PLPPR3: variants seen among roughly 807,000 people sequenced by gnomAD.
PLPPR3 encodes the protein phospholipid phosphatase related 3.
A neutral mutation model predicts 27.3 loss-of-function variants in PLPPR3; 14 were observed. The ratio of observed to expected loss-of-function variants is 0.51; its 90% CI spans 0.34 to 0.80. PLPPR3 has a LOEUF of 0.80. PLPPR3 is among the 30% of genes least tolerant of loss of function. The pLI is 0.01. For synonymous variants in PLPPR3, 671 were observed against 508.0 expected, an observed-to-expected ratio of 1.32 and a Z score of -4.32; for missense variants, 1,287 against 1,056.9, an observed-to-expected ratio of 1.22 and a Z score of -3.02.
chr19:821,642 A>T, intron 1 of PLPPR3, 57 bp from the exon 2 acceptor site: 1 of 979,206 alleles, frequency 1.0e-6, no homozygotes, highest in Non-Finnish European at 1.4e-6. Context: ...CGGGGGAGAC[A>T]CGGTGGCCGG....
At chr19:816,423 CACCCACCCACCCATCT>C (rs1293006507) in intron 2 of PLPPR3, among the ~76,000 whole-genome samples, 2 of 147,226 alleles carry the variant, frequency 1.4e-5, no homozygotes, top group Non-Finnish European at 3.0e-5. Context: ...TCCACCCATG[CACCCACCCACCCATCT>C]ACCCACCTAC....
chr19:818,699 A>G (rs1482998096), intron 2 of PLPPR3, among the ~76,000 whole-genome samples: 1 of 151,374 alleles, frequency 6.6e-6, no homozygotes, highest in East Asian at 2.0e-4. Flanking sequence ...GCGCCCGGCT[A>G]ATTTTTTGTA....
At chr19:816,953 C>T (rs2035072761) in intron 2 of PLPPR3, among the ~76,000 whole-genome samples, 1 of 150,722 alleles carries the variant, frequency 6.6e-6, no homozygotes, top group East Asian at 2.0e-4. Flanking sequence ...CCTATCCATC[C>T]ACCCATCCAT....
chr19:814,244 C>T (rs1354817261), intron 7 of PLPPR3, among the ~76,000 whole-genome samples, 190 bp downstream of exon 7: 3 of 144,254 alleles, frequency 2.1e-5, no homozygotes, highest in Non-Finnish European at 3.0e-5. Context: ...TGGGCCAGCC[C>T]CCCGCCAGAA....
rs1438360455 is a variant in PLPPR3 at position 812,773 on chromosome 19, G to A, written c.1954C>T (p.Arg652Trp). The change falls in exon 8 of 8, where the codon CGG becomes TGG. Residue 652 changes from arginine (R) to tryptophan (W), a missense_variant. Arg to Trp is a moderately radical substitution (Grantham distance 101, BLOSUM62 -3). Coordinates refer to ENST00000520876, the MANE Select transcript of PLPPR3 (RefSeq NM_001270366.2). ...TTGACGGTGGCCACGGCCCCGAACC[G>A]CGGCTCCTCCTGGTCCACGTCGCTG... ...SVSDVDQEEP[R>W]FGAVATVNLA... 9.2e-7 allele frequency: 1 copy of A among 1,083,286 alleles called. No individual in the cohort carries two copies. Among genetic ancestry groups the A allele is most frequent in the Non-Finnish European group, 1.1e-6 (1 of 892,150 alleles). The allele number at this position is 1,083,286 out of a possible 1,614,324, so 67.1% of individuals were successfully genotyped here.
rs2035027483 is a variant in PLPPR3, at chr19:815,026, C to T, written c.459G>A (p.Leu153=). 6.2e-7 allele frequency: 1 copy of T among 1,610,490 alleles called. No individual in the cohort carries two copies. The highest frequency in any genetic ancestry group is 1.1e-5 in the South Asian group (1 of 91,090). ...ATALVTDVIQ[L]ATGYHTPFFL... ...AGAAGGGAGTGTGGTAACCCGTGGC[C>T]AGCTGGATCACGTCCGTCACCAGGG... Residue 153 remains leucine (L), a synonymous_variant, in exon 5 of 8, where the codon CTG becomes CTA. Transcript: ENST00000520876.
chr19:813,972 G>A lies in PLPPR3; in HGVS notation c.832-77C>T. ...CCCTGTGATCGTTGGACTTGCCGCG[G>A]GGGGCTCTGGACCGGGGGTGGGGGC... is the stretch of plus-strand genomic sequence containing the variant. On this transcript the variant is annotated intron_variant, in intron 7 of 7. Transcript: ENST00000520876. This position sits in a 1 kb window ranked among gnomAD's most constrained non-coding sequence, Gnocchi z 4.1. 1 of 1,399,616 alleles carries A rather than the reference G, an allele frequency of 7.1e-7. No individual in the cohort carries two copies. Among genetic ancestry groups the A allele is most frequent in the South Asian group, 1.6e-5 (1 of 64,152 alleles). The allele number at this position is 1,399,616 out of a possible 1,614,324, so 86.7% of individuals were successfully genotyped here.
Position 815,005 on chromosome 19 carries a change from G to A in PLPPR3, c.480C>T (p.Pro160=). The change falls in exon 5 of 8, where the codon CCC becomes CCT. Residue 160 remains proline (P), a synonymous_variant. Transcript: ENST00000520876. ...VIQLATGYHT[P]FFLTVCKPNY... ...TGGGCTTGCAGACGGTGAGGAAGAA[G>A]GGAGTGTGGTAACCCGTGGCCAGCT... 6.2e-7 allele frequency: 1 copy of A among 1,611,932 alleles called. No individual in the cohort carries two copies. Among genetic ancestry groups the A allele is most frequent in the Non-Finnish European group, 8.5e-7 (1 of 1,179,964 alleles).
chr19:812,536 G>T lies in PLPPR3; in HGVS notation c.*34C>A. On this transcript the variant is annotated 3_prime_UTR_variant, in exon 8 of 8. Coordinates refer to ENST00000520876, the MANE Select transcript of PLPPR3 (RefSeq NM_001270366.2). ...CATCCGCGCGGCCGCCCGCGCCCTC[G>T]GCCCGCCCCCCGCCCGCCCCCGGCC... is the stretch of plus-strand genomic sequence containing the variant. The T allele has an allele frequency of 1.0e-6, 1 of 979,382 alleles. No homozygotes were observed. Among genetic ancestry groups the T allele is most frequent in the Non-Finnish European group, 1.2e-6 (1 of 823,158 alleles). The allele number at this position is 979,382 out of a possible 1,614,324, so 60.7% of individuals were successfully genotyped here.
rs1540615 is a variant in PLPPR3, at chr19:814,907, A to G, written c.578T>C (p.Ile193Thr). The G allele has an allele frequency of 0.048, 77,130 of 1,611,196 alleles. 2,098 individuals are homozygous for G. Among genetic ancestry groups the G allele is most frequent in the Middle Eastern group, 0.071 (429 of 6,060 alleles). The change falls in exon 5 of 8, where the codon ATC becomes ACC. Residue 193 changes from isoleucine (I) to threonine (T), a missense_variant. Physicochemically the swap from Ile to Thr is moderately conservative, Grantham distance 89. Coordinates refer to ENST00000520876, the MANE Select transcript of PLPPR3 (RefSeq NM_001270366.2). ...ITQDICSGHD[I>T]HAILSARKTF... Reference sequence around the variant, plus strand: ...TCACCGTGCAGACAGGATGGCGTGGATGTCGTGGCCGGAGCAGATGTCCTG... The same window carrying G: ...TCACCGTGCAGACAGGATGGCGTGGGTGTCGTGGCCGGAGCAGATGTCCTG...
Position 812,541 on chromosome 19 carries a change from G to GGCCCCC in PLPPR3, c.*28_*29insGGGGGC. 3.1e-4 allele frequency: 192 copies of GGCCCCC among 617,356 alleles called. No homozygotes were observed. Among genetic ancestry groups the GGCCCCC allele is most frequent in the Middle Eastern group, 8.2e-4 (1 of 1,226 alleles). The allele number at this position is 617,356 out of a possible 1,614,324, so 38.2% of individuals were successfully genotyped here. On this transcript the variant is annotated 3_prime_UTR_variant, in exon 8 of 8. Coordinates refer to ENST00000520876, the MANE Select transcript of PLPPR3 (RefSeq NM_001270366.2). ...GCGCGGCCGCCCGCGCCCTCGGCCC[G>GGCCCCC]CCCCCCGCCCGCCCCCGGCCCCGCC...
At chr19:816,962 A>C in intron 2 of PLPPR3, among the ~76,000 whole-genome samples, 1 of 125,800 alleles carries the variant, frequency 7.9e-6, no homozygotes. Context: ...CCACCCATCC[A>C]TCCATTGATC....
In PLPPR3 at chr19:814,915, G is replaced by A. The variant is rs146260712; in HGVS notation, c.570C>T (p.Gly190=). ...NPYITQDICS[G]HDIHAILSAR... ...CAGACAGGATGGCGTGGATGTCGTG[G>A]CCGGAGCAGATGTCCTGCGTGATGT... Residue 190 remains glycine, a synonymous_variant, in exon 5 of 8, where the codon GGC becomes GGT. Coordinates refer to ENST00000520876, the MANE Select transcript of PLPPR3 (RefSeq NM_001270366.2). 3.4e-5 allele frequency: 55 copies of A among 1,611,632 alleles called. No individual in the cohort carries two copies. In the African/African-American group the frequency reaches 6.0e-4, roughly 18 times the overall value.
At chr19:817,752 T>C (rs923990657) in intron 2 of PLPPR3, among the ~76,000 whole-genome samples, 13 of 152,108 alleles carry the variant, frequency 8.5e-5, no homozygotes, top group African/African-American at 1.9e-4. Flanking sequence ...TGAGCATTCA[T>C]TGAGTGCCTG....
upstream of PLPPR3, among the ~76,000 whole-genome samples, chr19:823,451 A>AC (rs1568289354): frequency 6.1e-5 from 3 of 49,414 alleles, no homozygotes; most frequent in African/African-American, 9.2e-4. Context: ...CAAAAAAAAA[A>AC]AAAAAAACAA....
Position 813,077 on chromosome 19 carries a change from G to A in PLPPR3, c.1650C>T (p.Gly550=). The change falls in exon 8 of 8, where the codon GGC becomes GGT. Residue 550 remains glycine, a synonymous_variant. Transcript: ENST00000520876. This position sits in a 1 kb window ranked among gnomAD's most constrained non-coding sequence, Gnocchi z 4.1. ...ACGACGCCGTCTCGGCCGCCTTGGG[G>A]CCCGGCGCGCCCGGAGCCTTGGACA... ...IAMSKAPGAP[G]PKAAETASSS... 6.7e-7 allele frequency: 1 copy of A among 1,495,328 alleles called. No homozygotes were observed. Among genetic ancestry groups the A allele is most frequent in the Non-Finnish European group, 8.8e-7 (1 of 1,133,026 alleles). 92.6% of individuals were successfully genotyped at this position (1,495,328 alleles called of 1,614,324 possible). A position where few individuals can be genotyped will look rare whatever the true frequency, so the allele number is the denominator to read the frequency against.
rs761905550 is a variant in PLPPR3 at position 815,832 on chromosome 19, G to A, written c.95C>T (p.Ser32Phe). 8.7e-6 allele frequency: 14 copies of A among 1,612,454 alleles called. No individual in the cohort carries two copies. The highest frequency in any genetic ancestry group is 1.1e-5 in the Non-Finnish European group (13 of 1,179,806). The stretch of plus-strand genomic sequence containing the variant: ...CTCCAGGAAGTACAAGGATACGATG[G>A]AAGAAGCCACTATGGGCAGCTGTGG... ...YFVELPIVAS[S>F]IVSLYFLELT... The change falls in exon 3 of 8, where the codon TCC becomes TTC. Residue 32 changes from serine (S) to phenylalanine (F), a missense_variant. By Grantham distance (155) the Ser-to-Phe change is radical. Coordinates refer to ENST00000520876, the MANE Select transcript of PLPPR3 (RefSeq NM_001270366.2).
chr19:813,673 C>T lies in PLPPR3; in HGVS notation c.1054G>A (p.Ala352Thr), dbSNP rs1420249624. 3 of 1,534,190 alleles carry T rather than the reference C, an allele frequency of 2.0e-6. No individual in the cohort carries two copies. Among genetic ancestry groups the T allele is most frequent in the Non-Finnish European group, 2.6e-6 (3 of 1,144,770 alleles). Residue 352 changes from alanine to threonine, a missense_variant, in exon 8 of 8, where the codon GCC becomes ACC. Ala to Thr is a moderately conservative substitution (Grantham distance 58). Transcript: ENST00000520876. This position sits in a 1 kb window ranked among gnomAD's most constrained non-coding sequence, Gnocchi z 4.1. ...GCCAGCAGGTCCACGTCCACGCTGG[C>T]GCGCTTCAGGCTGCCCAGCGAGGTC... ...EKTSLGSLKR[A>T]SVDVDLLAPR... is the part of the protein sequence containing the mutation.
chr19:812,623 CCTCCGCCTCGCG>C lies in PLPPR3; in HGVS notation c.2092_2103del (p.Arg698_Glu701del), dbSNP rs2034946121. The C allele has an allele frequency of 2.7e-6, 3 of 1,119,288 alleles. No individual in the cohort carries two copies. Among genetic ancestry groups the C allele is most frequent in the Admixed American group, 4.5e-5 (1 of 22,272 alleles). The allele number at this position is 1,119,288 out of a possible 1,614,324, so 69.3% of individuals were successfully genotyped here. Reference sequence around the variant, plus strand: ...TTGCGGAAGTAGCCCTCGGCCTCCGCCTCCGCCTCGCGCTCCGCCAGCCCCAGGCCGCCCGCG... The same window carrying C: ...TTGCGGAAGTAGCCCTCGGCCTCCGCCTCCGCCAGCCCCAGGCCGCCCGCG... On this transcript the variant is annotated inframe_deletion, in exon 8 of 8. Transcript: ENST00000520876.
Sources: gnomAD v4.1 joint callset for allele counts (sites outside exome capture counted in the v4.1 genomes callset) on GRCh38, gnomAD v4.1.1 for gene constraint, Gnocchi (gnomAD v3.1) non-coding constraint, MANE v1.5 for transcripts, NCBI Gene and HGNC (gene_info 2026-07-23, HGNC 2026-07-21) for gene names.